Variants in PPARGC1A observed in about 807,000 individuals in gnomAD.
PPARGC1A encodes peroxisome proliferator-activated receptor gamma coactivator 1-alpha.
A neutral mutation model predicts 88.7 loss-of-function variants in PPARGC1A; 25 were observed. That is an observed-to-expected ratio of 0.28 (90% CI 0.21 to 0.39). The LOEUF is 0.39. PPARGC1A is among the 10% of genes least tolerant of loss of function. The pLI is 1.00. For synonymous variants in PPARGC1A, 363 were observed against 355.6 expected (o/e 1.02, Z -0.24); for missense variants, 880 against 968.7 (o/e 0.91, Z 1.22).
chr4:24,300,123 T>G, the PPARGC1A span, among the ~76,000 whole-genome samples: 1 of 152,106 alleles, frequency 6.6e-6, no homozygotes, highest in East Asian at 1.9e-4. Flanking sequence ...GACTCTGGCT[T>G]TCCTGCCTTC....
chr4:24,350,388 C>CT, the PPARGC1A span, among the ~76,000 whole-genome samples: 47 of 152,096 alleles, frequency 3.1e-4, no homozygotes, highest in East Asian at 7.2e-3. Context: ...CTGAAAAAAA[C>CT]TTTTTTTTTG....
the PPARGC1A span, among the ~76,000 whole-genome samples, chr4:24,284,258 G>A: frequency 4.6e-5 from 7 of 152,036 alleles, no homozygotes; most frequent in South Asian, 4.1e-4. Context: ...GCAATGAACC[G>A]AGATCACGCC....
At chr4:23,811,235 T>G (rs1720834018) in intron 10 of PPARGC1A, among the ~76,000 whole-genome samples, 1 of 152,240 alleles carries the variant, frequency 6.6e-6, no homozygotes. Flanking sequence ...TTGATTTTGA[T>G]TCCATTAGTC....
At chr4:24,009,150 A>AAAAAAAAAGAGAG in the PPARGC1A span, among the ~76,000 whole-genome samples, 735 of 79,768 alleles carry the variant, frequency 9.2e-3, 11 homozygotes, top group African/African-American at 0.016. Flanking sequence ...AAAAAAAAAA[A>AAAAAAAAAGAGAG]AGAGAGAGAA....
the PPARGC1A span, among the ~76,000 whole-genome samples, chr4:23,956,288 C>G: frequency 1.3e-5 from 2 of 152,034 alleles, no homozygotes; most frequent in South Asian, 2.1e-4. Context: ...GATTTTGATT[C>G]AATAGGTCTG....
chr4:24,225,865 T>C, the PPARGC1A span, among the ~76,000 whole-genome samples: 1,748 of 152,258 alleles, frequency 0.011, 42 homozygotes, highest in African/African-American at 0.039. Context: ...GTGGAATGAA[T>C]ATCTGTACAA....
the PPARGC1A span, among the ~76,000 whole-genome samples, chr4:24,382,099 T>C: frequency 1.4e-4 from 21 of 152,184 alleles, no homozygotes; most frequent in Non-Finnish European, 2.9e-5. Context: ...GAAAATGCTA[T>C]ATGAACAAAA....
chr4:23,910,167 T>A, the PPARGC1A span, among the ~76,000 whole-genome samples: 2 of 120,712 alleles, frequency 1.7e-5, 1 homozygote, highest in East Asian at 5.0e-4. Context: ...TATAAATATA[T>A]AATATATAAT....
the PPARGC1A span, among the ~76,000 whole-genome samples, chr4:23,985,228 C>T: frequency 6.6e-6 from 1 of 152,158 alleles, no homozygotes; most frequent in Admixed American, 6.6e-5. Context: ...CAAGGACACA[C>T]ACTCCATTCA....
At chr4:23,844,782 T>TTATTATAATATATGATATATAC (rs1491441924) in intron 2 of PPARGC1A, among the ~76,000 whole-genome samples, 5 of 121,380 alleles carry the variant, frequency 4.1e-5, no homozygotes, top group African/African-American at 1.6e-4. Flanking sequence ...ATGATATATA[T>TTATTATAATATATGATATATAC]TATAATAATA....
intron 4 of PPARGC1A, 77 bp downstream of exon 4, chr4:23,829,386 C>A: frequency 6.6e-7 from 1 of 1,507,432 alleles, no homozygotes; most frequent in Non-Finnish European, 9.2e-7. Context: ...TTAATACCTA[C>A]AAACTTATTT....
At chr4:23,948,244 G>A in the PPARGC1A span, among the ~76,000 whole-genome samples, 1 of 152,128 alleles carries the variant, frequency 6.6e-6, no homozygotes, top group South Asian at 2.1e-4. Flanking sequence ...AAGGGGCTCA[G>A]CATTTAGCAG....
chr4:24,052,399 G>A, the PPARGC1A span, among the ~76,000 whole-genome samples: 20 of 152,274 alleles, frequency 1.3e-4, no homozygotes, highest in East Asian at 9.7e-4. Context: ...CACTTTGGGA[G>A]GCTGAGGCAG....
At chr4:23,888,116 T>G (rs995322624) in intron 1 of PPARGC1A, among the ~76,000 whole-genome samples, 1 of 152,230 alleles carries the variant, frequency 6.6e-6, no homozygotes, top group South Asian at 2.1e-4. Flanking sequence ...CTGCTGCTCG[T>G]AATATTTTAT....
At chr4:24,170,826 T>C in the PPARGC1A span, among the ~76,000 whole-genome samples, 1 of 152,184 alleles carries the variant, frequency 6.6e-6, no homozygotes, top group Non-Finnish European at 1.5e-5. Context: ...AGCCTCTCCT[T>C]GAGACAAGAA....
the PPARGC1A span, among the ~76,000 whole-genome samples, chr4:24,433,002 G>A: frequency 1.3e-5 from 2 of 152,070 alleles, no homozygotes; most frequent in Admixed American, 6.6e-5. Flanking sequence ...CCCTAAACTC[G>A]TTCAGTATCT....
At chr4:23,897,183 T>C (rs987463863) in intron 1 of PPARGC1A, among the ~76,000 whole-genome samples, 8 of 152,246 alleles carry the variant, frequency 5.3e-5, no homozygotes, top group African/African-American at 1.9e-4. Context: ...CAGATCATTC[T>C]TCCTACACAT....
At chr4:24,451,723 A>G in the PPARGC1A span, among the ~76,000 whole-genome samples, 2 of 152,114 alleles carry the variant, frequency 1.3e-5, no homozygotes, top group Admixed American at 1.3e-4. Context: ...GATTACAGGC[A>G]CACGCCACCA....
the PPARGC1A span, among the ~76,000 whole-genome samples, chr4:24,311,086 CTTTTTTTTTTTTTTTTT>C: frequency 0.01 from 606 of 59,974 alleles, 6 homozygotes; most frequent in Admixed American, 0.023. Context: ...TATAATAATT[CTTTTTTTTTTTTTTTTT>C]TTTTTTTTTT....
Sources: allele counts gnomAD v4.1 joint callset (sites outside exome capture counted in the v4.1 genomes callset), GRCh38; gene constraint gnomAD v4.1.1; transcripts MANE v1.5; gene names NCBI Gene and HGNC (gene_info 2026-07-23, HGNC 2026-07-21).